Variants in AK3 observed in about 807,000 individuals in gnomAD.
The protein encoded by AK3 is adenylate kinase 3, also known as GTP:AMP phosphotransferase AK3, mitochondrial.
A neutral mutation model predicts 23.7 loss-of-function variants in AK3; 27 were observed. That is an observed-to-expected ratio of 1.14 (90% CI 0.84 to 1.57). The LOEUF is 1.57. AK3 is among the 40% of genes most tolerant of loss of function. The pLI is 0.00. For synonymous variants in AK3, 159 were observed against 116.0 expected, an observed-to-expected ratio of 1.37 and a Z score of -2.38; for missense variants, 406 against 285.6, an observed-to-expected ratio of 1.42 and a Z score of -3.04.
intron 1 of AK3, among the ~76,000 whole-genome samples, chr9:4,725,548 C>T (rs969862847): frequency 6.6e-6 from 1 of 151,898 alleles, no homozygotes; most frequent in African/African-American, 2.4e-5. Flanking sequence ...GTGGGCAGAT[C>T]ACCTGAGGTC....
At chr9:4,740,618 C>T (rs922229463) in intron 1 of AK3, among the ~76,000 whole-genome samples, 2 of 152,214 alleles carry the variant, frequency 1.3e-5, no homozygotes, top group Non-Finnish European at 2.9e-5. Context: ...GCTCGATGGA[C>T]CCCCAAGAGT....
rs1385860856 is a variant in AK3 at position 4,735,478 on chromosome 9, A to T, written c.151+5459T>A. On this transcript the variant is annotated intron_variant, in intron 1 of 4. Transcript: ENST00000381809. ...ACATAGTATATGTGTATATATATAT[A>T]TTTTTTTTTTTTTTTTGGAAACAGA... Among the ~76,000 whole-genome samples, 29 of 62,590 alleles carry T rather than the reference A, an allele frequency of 4.6e-4. 5 individuals carry two copies. The highest frequency in any genetic ancestry group is 1.4e-3 in the East Asian group (2 of 1,418). The allele number at this position is 62,590 out of a possible 152,430, so 41.1% of individuals were successfully genotyped here.
chr9:4,738,181 T>C (rs536452567), intron 1 of AK3, among the ~76,000 whole-genome samples: 99 of 152,364 alleles, frequency 6.5e-4, no homozygotes, highest in Non-Finnish European at 1.8e-4. Flanking sequence ...ATCTTTTTTT[T>C]TGAGACAGAG....
chr9:4,714,039 T>TACACGC (rs1563781059), intron 4 of AK3, among the ~76,000 whole-genome samples: 1 of 3,732 alleles, frequency 2.7e-4, no homozygotes, highest in African/African-American at 6.5e-4. Flanking sequence ...CACATATACA[T>TACACGC]CTACACATAT....
chr9:4,728,172 A>C (rs1404543439), intron 1 of AK3, among the ~76,000 whole-genome samples: 1 of 152,248 alleles, frequency 6.6e-6, no homozygotes, highest in Non-Finnish European at 1.5e-5. Flanking sequence ...CTTGTTGGGA[A>C]AATGGGGCCA....
chr9:4,718,636 T>G (rs1168451301), intron 3 of AK3, 99 bp from the exon 4 acceptor site: 2 of 901,480 alleles, frequency 2.2e-6, no homozygotes, highest in Non-Finnish European at 3.4e-6. Context: ...TCTGTGCAAG[T>G]GCCAAGCACA....
intron 2 of AK3, among the ~76,000 whole-genome samples, chr9:4,721,261 C>T (rs530096626): frequency 3.4e-4 from 51 of 151,652 alleles, no homozygotes; most frequent in Admixed American, 2.0e-3. Context: ...AAATTAGCCA[C>T]GTGTGCTGGT....
chr9:4,719,804 A>G (rs137957107), intron 2 of AK3, among the ~76,000 whole-genome samples: 2,877 of 152,194 alleles, frequency 0.019, 109 homozygotes, highest in African/African-American at 0.066. Flanking sequence ...AGTGGCTCAC[A>G]CCTGTAATCC....
chr9:4,727,424 G>T (rs765651893), intron 1 of AK3, among the ~76,000 whole-genome samples: 2 of 152,170 alleles, frequency 1.3e-5, no homozygotes, highest in Non-Finnish European at 2.9e-5. Flanking sequence ...ATCAGCACTT[G>T]CACTTTCCTG....
intron 1 of AK3, among the ~76,000 whole-genome samples, chr9:4,725,431 G>GAT (rs1007347181): frequency 1.3e-5 from 2 of 152,080 alleles, no homozygotes; most frequent in South Asian, 4.1e-4. Context: ...AGATACATTA[G>GAT]ACTTCATTAA....
At chr9:4,733,881 G>A (rs527705513) in intron 1 of AK3, among the ~76,000 whole-genome samples, 16 of 152,186 alleles carry the variant, frequency 1.1e-4, no homozygotes, top group East Asian at 5.8e-4. Flanking sequence ...CACCCTAAAC[G>A]GCCCTTCATG....
Position 4,719,149 on chromosome 9 carries a change from G to C in AK3, c.430C>G (p.Pro144Ala). 2 of 1,611,830 alleles carry C rather than the reference G, an allele frequency of 1.2e-6. No homozygotes were observed. The highest frequency in any genetic ancestry group is 1.7e-6 in the Non-Finnish European group (2 of 1,179,828). The change falls in exon 3 of 5, where the codon CCT (proline) becomes GCT (alanine). Residue 144 changes from proline to alanine, a missense_variant. Pro to Ala is a conservative substitution (Grantham distance 27). Transcript: ENST00000381809. ...CAACTACTCACCACAGTTTTGGGAGGGTTGAATTCAATGTTATAGACTCGG... is the reference window on the plus strand; with the variant it reads ...CAACTACTCACCACAGTTTTGGGAGCGTTGAATTCAATGTTATAGACTCGG... Reference protein sequence around the residue: ...SGRVYNIEFNPPKTVGIDDLT... With the variant: ...SGRVYNIEFNAPKTVGIDDLT...
chr9:4,719,307 C>T lies in AK3; in HGVS notation c.272G>A (p.Gly91Asp), dbSNP rs1050764583. ...TGCCTGTGGAAGTGTCCTTGGAAAACCTTTATAAAGTAAAAAAGAAAAAGA... is the reference window on the plus strand; with the variant it reads ...TGCCTGTGGAAGTGTCCTTGGAAAATCTTTATAAAGTAAAAAAGAAAAAGA... Reference protein sequence around the residue: ...NLTQYSWLLDGFPRTLPQAEA... With the variant: ...NLTQYSWLLDDFPRTLPQAEA... Residue 91 changes from glycine to aspartate, a missense_variant and splice_region_variant, in exon 3 of 5, where the codon GGT becomes GAT. Physicochemically the swap from Gly to Asp is moderately conservative, Grantham distance 94 (BLOSUM62 -1). Transcript: ENST00000381809. 5 of 1,309,376 alleles carry T rather than the reference C, an allele frequency of 3.8e-6. No individual in the cohort carries two copies. The African/African-American group carries it at 5.1e-5, about 13-fold the overall frequency. 81.1% of individuals were successfully genotyped at this position (1,309,376 alleles called of 1,614,324 possible). A position where few individuals can be genotyped will look rare whatever the true frequency, so the allele number is the denominator to read the frequency against.
chr9:4,711,030 CTT>C lies in AK3; in HGVS notation c.*1944_*1945del. ...GGGAATGGTCACAGGAAATAAGAGTCTTAATTCTCATAGCCATGTTCTTCCAC... is the reference window on the plus strand; with the variant it reads ...GGGAATGGTCACAGGAAATAAGAGTCAATTCTCATAGCCATGTTCTTCCAC... On this transcript the variant is annotated 3_prime_UTR_variant, in exon 5 of 5. Coordinates refer to ENST00000381809, the MANE Select transcript of AK3 (RefSeq NM_016282.4). The C allele has an allele frequency of 6.6e-6, 1 of 152,310 alleles. No individual in the cohort carries two copies. The highest frequency in any genetic ancestry group is 1.9e-4 in the East Asian group (1 of 5,184). The allele number at this position is 152,310 out of a possible 1,614,324, so 9.4% of individuals were successfully genotyped here.
intron 2 of AK3, among the ~76,000 whole-genome samples, chr9:4,721,302 C>A (rs145162544): frequency 0.05 from 7,562 of 151,458 alleles, 604 homozygotes; most frequent in African/African-American, 0.17. Context: ...ACTCAGGAGG[C>A]TGAGGCAGGA....
At chr9:4,732,694 T>A (rs1193240875) in intron 1 of AK3, among the ~76,000 whole-genome samples, 2 of 152,186 alleles carry the variant, frequency 1.3e-5, no homozygotes. Context: ...GAGAAATAAA[T>A]GTTTATATTA....
chr9:4,739,437 G>A (rs1587663943), intron 1 of AK3, among the ~76,000 whole-genome samples: 1 of 150,540 alleles, frequency 6.6e-6, no homozygotes. Context: ...CAAGTGATCC[G>A]CCCGCCTTGA....
intron 3 of AK3, 79 bp from the exon 4 acceptor site, chr9:4,718,616 AAC>A: frequency 1.8e-6 from 2 of 1,142,168 alleles, no homozygotes; most frequent in Non-Finnish European, 2.6e-6. Context: ...ATTATTTTTA[AAC>A]AGACATCTCT....
chr9:4,720,985 C>A (rs1841880675), intron 2 of AK3, among the ~76,000 whole-genome samples: 1 of 152,162 alleles, frequency 6.6e-6, no homozygotes, highest in Non-Finnish European at 1.5e-5. Flanking sequence ...CTACTCATTC[C>A]TCAAGACCTC....
Sources: allele counts gnomAD v4.1 joint callset (sites outside exome capture counted in the v4.1 genomes callset), GRCh38; gene constraint gnomAD v4.1.1; transcripts MANE v1.5; gene names NCBI Gene and HGNC (gene_info 2026-07-23, HGNC 2026-07-21).